The following DGKB variants were observed in gnomAD, a reference collection of about 807,000 sequenced individuals.
DGKB encodes the protein 90 kDa diacylglycerol kinase.
Under a neutral mutation model 114.3 loss-of-function variants are expected in DGKB, and 67 were observed. That is an observed-to-expected ratio of 0.59 (90% CI 0.48 to 0.72). The LOEUF (loss-of-function observed/expected upper bound fraction) is 0.72, where lower values mean the gene tolerates loss of function less well. Ranked by LOEUF, DGKB falls within the 30% of genes least tolerant of loss-of-function variation. The pLI is 0.00. For synonymous variants in DGKB, 398 were observed against 323.1 expected (o/e 1.23, Z -2.49); for missense variants, 907 against 975.2 (o/e 0.93, Z 0.93).
intron 21 of DGKB, among the ~76,000 whole-genome samples, chr7:14,434,874 G>A (rs1166539896): frequency 1.3e-5 from 2 of 152,002 alleles, no homozygotes; most frequent in African/African-American, 4.8e-5. Flanking sequence ...AATATATTTG[G>A]CATATACCAA....
intron 1 of DGKB, among the ~76,000 whole-genome samples, chr7:14,896,440 A>G (rs114684684): frequency 0.033 from 4,904 of 150,332 alleles, 263 homozygotes; most frequent in African/African-American, 0.11. Flanking sequence ...AAGTGTTTAT[A>G]ATAATATTTA....
At chr7:14,558,793 T>C (rs754904941) in intron 20 of DGKB, among the ~76,000 whole-genome samples, 3 of 152,186 alleles carry the variant, frequency 2.0e-5, no homozygotes, top group Non-Finnish European at 4.4e-5. Context: ...TGTTTGGCTC[T>C]TGTGTGCCTC....
chr7:14,736,119 G>A lies in DGKB; in HGVS notation c.244C>T (p.His82Tyr). Residue 82 changes from histidine to tyrosine, a missense_variant, in exon 5 of 26, where the codon CAC (histidine) becomes TAC (tyrosine). Around this residue, in one of 3 missense-constraint regions of DGKB, gnomAD observed 814 missense variants for 856.6 expected, o/e 0.95. Coordinates refer to ENST00000402815, the MANE Select transcript of DGKB (RefSeq NM_001350709.2). ...TTGTTGCTAAATGACATGAAAAGGT[G>A]TGCAGTGAAATCATCAGGAAGCTCG... ...EAELPDDFTA[H>Y]LFMSFSNKFP... 1 of 1,608,836 alleles carries A rather than the reference G, an allele frequency of 6.2e-7. No individual in the cohort carries two copies. Among genetic ancestry groups the A allele is most frequent in the Non-Finnish European group, 8.5e-7 (1 of 1,175,978 alleles).
intron 12 of DGKB, among the ~76,000 whole-genome samples, chr7:14,678,207 GA>G (rs1484915000): frequency 6.6e-6 from 1 of 152,136 alleles, no homozygotes; most frequent in East Asian, 1.9e-4. Context: ...AGGTGATTAG[GA>G]AAAAATGTGT....
intron 23 of DGKB, among the ~76,000 whole-genome samples, chr7:14,306,136 G>C (rs2128496626): frequency 6.6e-6 from 1 of 151,934 alleles, no homozygotes; most frequent in African/African-American, 2.4e-5. Flanking sequence ...TTCTTGAGTA[G>C]CTATCTACTT....
intron 13 of DGKB, among the ~76,000 whole-genome samples, chr7:14,667,940 A>G (rs1818326174): frequency 6.6e-6 from 1 of 152,116 alleles, no homozygotes; most frequent in Admixed American, 6.6e-5. Flanking sequence ...CAACAAGTGC[A>G]CTTAAAGAAT....
chr7:14,583,630 G>T (rs1485380224), intron 17 of DGKB, among the ~76,000 whole-genome samples: 2 of 152,086 alleles, frequency 1.3e-5, no homozygotes, highest in African/African-American at 4.8e-5. Context: ...CTGCAACTGG[G>T]GTTCTAGCCA....
At chr7:14,528,860 C>T (rs1039876841) in intron 20 of DGKB, among the ~76,000 whole-genome samples, 13 of 151,838 alleles carry the variant, frequency 8.6e-5, no homozygotes, top group African/African-American at 2.2e-4. Flanking sequence ...TATAAAATTC[C>T]GTTGCATATT....
intron 1 of DGKB, among the ~76,000 whole-genome samples, chr7:14,960,989 T>A (rs1018388636): frequency 2.0e-5 from 3 of 152,054 alleles, no homozygotes; most frequent in African/African-American, 7.2e-5. Context: ...TATTACAGGT[T>A]ATTGTGAGGG....
At chr7:14,358,083 T>A (rs924450013) in intron 21 of DGKB, among the ~76,000 whole-genome samples, 13 of 152,282 alleles carry the variant, frequency 8.5e-5, no homozygotes, top group African/African-American at 3.1e-4. Context: ...GGGTTGCTCT[T>A]CTCAAGGAGT....
intron 1 of DGKB, among the ~76,000 whole-genome samples, chr7:14,927,067 GATT>G (rs1784786415): frequency 6.6e-6 from 1 of 152,054 alleles, no homozygotes; most frequent in African/African-American, 2.4e-5. Context: ...TGATGATGAT[GATT>G]ATTTGTCTAC....
chr7:14,953,504 C>T (rs1323154923), intron 1 of DGKB, among the ~76,000 whole-genome samples: 1 of 152,032 alleles, frequency 6.6e-6, no homozygotes, highest in African/African-American at 2.4e-5. Context: ...AATGAGATAT[C>T]ACTTCCCACA....
intron 21 of DGKB, among the ~76,000 whole-genome samples, chr7:14,471,585 T>A (rs1027145791): frequency 2.0e-5 from 3 of 151,302 alleles, no homozygotes; most frequent in Non-Finnish European, 3.0e-5. Flanking sequence ...CTCAGGGATT[T>A]ATGTTAAAGA....
At chr7:14,254,721 A>G (rs2128398743) in intron 23 of DGKB, among the ~76,000 whole-genome samples, 1 of 152,300 alleles carries the variant, frequency 6.6e-6, no homozygotes, top group South Asian at 2.1e-4. Context: ...CTTTCTGTGC[A>G]AAATTGTGTC....
chr7:14,175,787 G>C (rs1465601528), intron 25 of DGKB, among the ~76,000 whole-genome samples: 2 of 151,664 alleles, frequency 1.3e-5, no homozygotes, highest in African/African-American at 4.8e-5. Flanking sequence ...TAGAAGCTTT[G>C]GTCACACCAC....
At chr7:14,941,688 C>T (rs1385561508) in intron 1 of DGKB, among the ~76,000 whole-genome samples, 1 of 151,712 alleles carries the variant, frequency 6.6e-6, no homozygotes, top group East Asian at 1.9e-4. Context: ...TTTGAGAAAC[C>T]GGGTAGCAAA....
intron 9 of DGKB, among the ~76,000 whole-genome samples, chr7:14,687,344 A>G (rs1821892929): frequency 6.6e-6 from 1 of 152,180 alleles, no homozygotes; most frequent in African/African-American, 2.4e-5. Context: ...GGGGCTAACA[A>G]AGTCTCAACA....
intron 23 of DGKB, among the ~76,000 whole-genome samples, chr7:14,276,026 C>G (rs1432441540): frequency 6.6e-6 from 1 of 152,114 alleles, no homozygotes; most frequent in Non-Finnish European, 1.5e-5. Context: ...AGTGATAGAC[C>G]TATTCGTATA....
At chr7:14,765,410 CA>C (rs1294437115) in intron 2 of DGKB, among the ~76,000 whole-genome samples, 2 of 151,920 alleles carry the variant, frequency 1.3e-5, no homozygotes, top group Non-Finnish European at 2.9e-5. Flanking sequence ...TAGTTAATTC[CA>C]AAATGACTAC....
Sources: allele counts gnomAD v4.1 joint callset (sites outside exome capture counted in the v4.1 genomes callset), GRCh38; gene constraint gnomAD v4.1.1; regional missense constraint gnomAD v4.1.1; transcripts MANE v1.5; gene names NCBI Gene and HGNC (gene_info 2026-07-23, HGNC 2026-07-21).